GFOD1: variants seen among roughly 807,000 people sequenced by gnomAD.
GFOD1 encodes the protein Gfo/Idh/MocA-like oxidoreductase domain containing 1, also known as glucose-fructose oxidoreductase domain-containing protein 1.
Under a neutral mutation model 25.4 loss-of-function variants are expected in GFOD1, and 9 were observed. The observed-to-expected ratio is 0.35, with a 90% confidence interval of 0.21 to 0.62. The LOEUF (loss-of-function observed/expected upper bound fraction) is 0.62. Ranked by LOEUF, GFOD1 falls within the 20% of genes least tolerant of loss-of-function variation. The pLI is 0.72. For missense variants in GFOD1, 403 were observed against 556.9 expected (o/e 0.72, Z 2.78); for synonymous variants, 253 against 245.6 (o/e 1.03, Z -0.28).
chr6:13,476,719 C>G (rs767469053), intron 1 of GFOD1, among the ~76,000 whole-genome samples: 1 of 152,154 alleles, frequency 6.6e-6, no homozygotes, highest in Non-Finnish European at 1.5e-5. Flanking sequence ...TCTTAATACT[C>G]TAAAGGCTAT....
chr6:13,401,530 G>A (rs374855874), intron 1 of GFOD1, among the ~76,000 whole-genome samples: 5 of 152,216 alleles, frequency 3.3e-5, no homozygotes, highest in Middle Eastern at 6.8e-3. Context: ...AATTTAAAAT[G>A]TTGCAGAAAA....
At position 13,411,314 on chromosome 6, in the gene GFOD1, CAG is replaced by C. The variant is rs1174487281; in HGVS notation, c.254-45654_254-45653del. Among the ~76,000 whole-genome samples, 14 of 152,154 alleles carry C rather than the reference CAG, an allele frequency of 9.2e-5. No homozygotes were observed. In the East Asian group the frequency reaches 2.7e-3, roughly 29 times the overall value. On this transcript the variant is annotated intron_variant, in intron 1 of 1. Transcript: ENST00000379287. ...CTATTTTCTTTTCTTTTTTTTGAGA[CAG>C]AGTCTCACTCTGTCAGCCAGGCTGG...
At chr6:13,452,463 T>A (rs1404856414) in intron 1 of GFOD1, among the ~76,000 whole-genome samples, 2 of 152,112 alleles carry the variant, frequency 1.3e-5, no homozygotes, top group African/African-American at 4.8e-5. Context: ...CAGTTGTAGC[T>A]CACAGTTCTG....
intron 1 of GFOD1, chr6:13,469,629 C>A (rs938053838): frequency 9.4e-5 from 104 of 1,109,104 alleles, no homozygotes; most frequent in Non-Finnish European, 1.1e-4. Context: ...GCCAAAATAC[C>A]ATATTTCACA....
intron 1 of GFOD1, among the ~76,000 whole-genome samples, chr6:13,420,861 A>T (rs1371116452): frequency 1.3e-5 from 2 of 152,208 alleles, no homozygotes; most frequent in Non-Finnish European, 2.9e-5. Flanking sequence ...AGTGTATTTT[A>T]AAAAATTCCA....
In GFOD1 at chr6:13,363,755, C is replaced by T. The variant is rs778567625; in HGVS notation, c.*988G>A. On this transcript the variant is annotated 3_prime_UTR_variant, in exon 2 of 2. Transcript: ENST00000379287. ...CTCTATTTAGGAATTCACACTGCAA[C>T]ACTGAGGCACACAGCTCTCCCCAGT... 5 of 152,052 alleles carry T rather than the reference C, an allele frequency of 3.3e-5. No homozygotes were observed. The highest frequency in any genetic ancestry group is 7.3e-5 in the Non-Finnish European group (5 of 68,032). 9.4% of individuals were successfully genotyped at this position (152,052 alleles called of 1,614,324 possible). A position where few individuals can be genotyped will look rare whatever the true frequency, so the allele number is the denominator to read the frequency against.
intron 1 of GFOD1, among the ~76,000 whole-genome samples, chr6:13,435,076 G>A (rs1463127599): frequency 6.6e-6 from 1 of 152,170 alleles, no homozygotes; most frequent in African/African-American, 2.4e-5. Context: ...AAACATCCCA[G>A]CCTTCATGTC....
chr6:13,380,814 T>C (rs1302938165), intron 1 of GFOD1, among the ~76,000 whole-genome samples: 1 of 152,256 alleles, frequency 6.6e-6, no homozygotes, highest in Non-Finnish European at 1.5e-5. Flanking sequence ...TGAGGATCGC[T>C]GGGAAATTCG....
intron 1 of GFOD1, among the ~76,000 whole-genome samples, chr6:13,462,877 T>C (rs1758315576): frequency 6.6e-6 from 1 of 152,220 alleles, no homozygotes; most frequent in Non-Finnish European, 1.5e-5. Flanking sequence ...GCCTCTCGGC[T>C]GAGAGAGTTC....
chr6:13,486,247 T>TCCCC (rs373896526), intron 1 of GFOD1: 68 of 118,698 alleles, frequency 5.7e-4, no homozygotes, highest in African/African-American at 2.7e-3. Context: ...CACCCCCCCA[T>TCCCC]CCCCCCCCCC....
chr6:13,396,367 T>C (rs746705140), intron 1 of GFOD1, among the ~76,000 whole-genome samples: 1 of 152,226 alleles, frequency 6.6e-6, no homozygotes, highest in Non-Finnish European at 1.5e-5. Context: ...TGAGGGGCCA[T>C]GTGCTTTCCA....
chr6:13,396,740 G>A (rs1455238264), intron 1 of GFOD1, among the ~76,000 whole-genome samples: 1 of 152,108 alleles, frequency 6.6e-6, no homozygotes, highest in Non-Finnish European at 1.5e-5. Flanking sequence ...AAGGGGTCAT[G>A]AGCCAAGGTA....
At chr6:13,403,864 T>C (rs73366909) in intron 1 of GFOD1, among the ~76,000 whole-genome samples, 4,567 of 152,158 alleles carry the variant, frequency 0.03, 203 homozygotes, top group African/African-American at 0.1. Flanking sequence ...AAGGTTGCAG[T>C]GGAAGGATGT....
intron 1 of GFOD1, among the ~76,000 whole-genome samples, chr6:13,410,577 G>GGGGAGAGAGAGAGA (rs1398916063): frequency 5.5e-5 from 7 of 128,086 alleles, no homozygotes; most frequent in African/African-American, 1.1e-4. Flanking sequence ...AAGAAAGAAA[G>GGGGAGAGAGAGAGA]GAGAGAGAGA....
chr6:13,439,698 T>C (rs2327674), intron 1 of GFOD1, among the ~76,000 whole-genome samples: 73,564 of 152,050 alleles, frequency 0.48, 20,310 homozygotes, highest in South Asian at 0.64. Flanking sequence ...GAAACATGTA[T>C]GTTAGATAAT....
chr6:13,423,265 T>C (rs530118168), intron 1 of GFOD1, among the ~76,000 whole-genome samples: 5 of 140,946 alleles, frequency 3.5e-5, no homozygotes, highest in African/African-American at 6.4e-5. Flanking sequence ...GATGGGTTTA[T>C]TGGGGATATT....
intron 1 of GFOD1, among the ~76,000 whole-genome samples, chr6:13,397,470 C>T (rs1402628439): frequency 6.6e-6 from 1 of 152,238 alleles, no homozygotes; most frequent in Non-Finnish European, 1.5e-5. Flanking sequence ...TCCTCTTTCA[C>T]CTCCAGGCCC....
At chr6:13,380,761 A>C (rs986913993) in intron 1 of GFOD1, among the ~76,000 whole-genome samples, 1 of 152,236 alleles carries the variant, frequency 6.6e-6, no homozygotes, top group Admixed American at 6.5e-5. Context: ...TTTTGGTTGC[A>C]AGCTGATATT....
rs1784922858 is a variant in GFOD1 at position 13,359,920 on chromosome 6, T to TGG, written c.*4821_*4822dup. 6.9e-6 allele frequency: 1 copy of TGG among 144,476 alleles called. No individual in the cohort carries two copies. The highest frequency in any genetic ancestry group is 2.7e-5 in the African/African-American group (1 of 36,524). 8.9% of individuals were successfully genotyped at this position (144,476 alleles called of 1,614,324 possible). On this transcript the variant is annotated 3_prime_UTR_variant, in exon 2 of 2. Coordinates refer to ENST00000379287, the MANE Select transcript of GFOD1 (RefSeq NM_018988.4). ...GAGATCACGCCATTGCACTCCAGCC[T>TGG]GGGTGACAGAGTAAGACTCTGTCTC...
Sources: gnomAD v4.1 joint callset for allele counts (sites outside exome capture counted in the v4.1 genomes callset) on GRCh38, gnomAD v4.1.1 for gene constraint, MANE v1.5 for transcripts, NCBI Gene and HGNC (gene_info 2026-07-23, HGNC 2026-07-21) for gene names.